Variants in HLA-DPB1 observed in about 807,000 individuals in gnomAD.
HLA-DPB1 encodes HLA class II histocompatibility antigen, DP beta 1 chain.
Under a neutral mutation model 29.4 loss-of-function variants are expected in HLA-DPB1, and 30 were observed. The observed-to-expected ratio is 1.02, with a 90% CI of 0.76 to 1.38. The LOEUF is 1.38. HLA-DPB1 is among the 40% of genes most tolerant of loss of function. The probability of loss-of-function intolerance (pLI) is 0.00; values close to 1 mark genes in which losing one functional copy is unlikely to be tolerated. For missense variants in HLA-DPB1, 261 were observed against 327.5 expected, an observed-to-expected ratio of 0.80 and a Z score of 1.57; for synonymous variants, 114 against 134.0, an observed-to-expected ratio of 0.85 and a Z score of 1.03.
intron 2 of HLA-DPB1, 52 bp from the exon 3 acceptor site, chr6:33,084,898 A>G: frequency 1.2e-6 from 1 of 842,850 alleles, no homozygotes; most frequent in Middle Eastern, 2.6e-4. Context: ...GGAAGGAAGG[A>G]AAGAAGGACA....
At chr6:33,078,601 C>A (rs1762675842) in intron 1 of HLA-DPB1, among the ~76,000 whole-genome samples, 1 of 150,708 alleles carries the variant, frequency 6.6e-6, no homozygotes, top group Non-Finnish European at 1.5e-5. Context: ...AAGGGTTCCA[C>A]AAACAGGATA....
intron 2 of HLA-DPB1, among the ~76,000 whole-genome samples, chr6:33,083,271 G>C (rs1291633586): frequency 6.6e-6 from 1 of 152,154 alleles, no homozygotes; most frequent in Non-Finnish European, 1.5e-5. Context: ...CCAGCGCCAT[G>C]TTAGGGTATT....
intron 2 of HLA-DPB1, among the ~76,000 whole-genome samples, chr6:33,082,877 G>A (rs3128960): frequency 0.38 from 57,016 of 151,942 alleles, 12,159 homozygotes; most frequent in East Asian, 0.63. Context: ...TTGGGTATCA[G>A]GCCTTAACTC....
Position 33,080,621 on chromosome 6 carries a change from G to A in HLA-DPB1, c.101-51G>A. 1 of 1,609,026 alleles carries A rather than the reference G, an allele frequency of 6.2e-7. No homozygotes were observed. Among genetic ancestry groups the A allele is most frequent in the Non-Finnish European group, 8.5e-7 (1 of 1,176,462 alleles). ...TAATATTGAGAGAGAGAGGGAGAAAGAGGATTAGATGAGAGTGGCGCCTCC... is the reference window on the plus strand; with the variant it reads ...TAATATTGAGAGAGAGAGGGAGAAAAAGGATTAGATGAGAGTGGCGCCTCC... On this transcript the variant is annotated intron_variant, in intron 1 of 5. Transcript: ENST00000418931. This position sits in a 1 kb window ranked among gnomAD's most constrained non-coding sequence, Gnocchi z 4.3.
At chr6:33,079,814 G>A in intron 1 of HLA-DPB1, 1 of 455,970 alleles carries the variant, frequency 2.2e-6, no homozygotes, top group Non-Finnish European at 4.3e-6. Flanking sequence ...CCGGCCATCA[G>A]AGTCACCAAC....
In HLA-DPB1 at chr6:33,089,238, TG is replaced by T. The variant is rs1419859291; in HGVS notation, c.*2705del. ...CATTGTAAACTGTCCCTGAAATTAC[TG>T]TGCACTTGGCTTATGGGATGAAACA... is the stretch of plus-strand genomic sequence containing the variant. On this transcript the variant is annotated 3_prime_UTR_variant, in exon 6 of 6. Coordinates refer to ENST00000418931, the MANE Select transcript of HLA-DPB1 (RefSeq NM_002121.6). Among the ~76,000 whole-genome samples the T allele has an allele frequency of 2.0e-5, 3 of 152,114 alleles. No individual in the cohort carries two copies. The highest frequency in any genetic ancestry group is 7.3e-5 in the African/African-American group (3 of 41,352).
chr6:33,084,094 C>T (rs1475867633), intron 2 of HLA-DPB1: 1 of 143,218 alleles, frequency 7.0e-6, no homozygotes. Flanking sequence ...ATGTAAAGCT[C>T]TCTTCATTTT....
chr6:33,086,831 G>T lies in HLA-DPB1; in HGVS notation c.*297G>T. On this transcript the variant is annotated 3_prime_UTR_variant, in exon 6 of 6. Transcript: ENST00000418931. Reference sequence around the variant, plus strand: ...ATCATCTCTCATCACTTTTCTCTGAGGGTTTTAGTAGACAGTAGGAGTTAA... The same window carrying T: ...ATCATCTCTCATCACTTTTCTCTGATGGTTTTAGTAGACAGTAGGAGTTAA... The T allele has an allele frequency of 3.1e-6, 1 of 327,358 alleles. No individual in the cohort carries two copies. Among genetic ancestry groups the T allele is most frequent in the African/African-American group, 2.3e-5 (1 of 44,230 alleles). The allele number at this position is 327,358 out of a possible 1,614,324, so 20.3% of individuals were successfully genotyped here.
In HLA-DPB1 at chr6:33,086,587, G is replaced by A. The variant is rs1393039447; in HGVS notation, c.*53G>A. 1.8e-6 allele frequency: 1 copy of A among 570,814 alleles called. No homozygotes were observed. The highest frequency in any genetic ancestry group is 3.3e-6 in the Non-Finnish European group (1 of 298,650). The allele number at this position is 570,814 out of a possible 1,614,324, so 35.4% of individuals were successfully genotyped here. A position where few individuals can be genotyped will look rare whatever the true frequency, so the allele number is the denominator to read the frequency against. ...CTATTGTGCCTTAGGAAAAGCATTT[G>A]CTGTGTTTCGTTAGCATCTGGCTCC... is the stretch of plus-strand genomic sequence containing the variant. On this transcript the variant is annotated 3_prime_UTR_variant, in exon 6 of 6. Coordinates refer to ENST00000418931, the MANE Select transcript of HLA-DPB1 (RefSeq NM_002121.6).
intron 2 of HLA-DPB1, among the ~76,000 whole-genome samples, chr6:33,082,748 T>C (rs9277388): frequency 0.38 from 56,951 of 151,770 alleles, 12,124 homozygotes; most frequent in East Asian, 0.63. Context: ...AGGGTGGATG[T>C]CCACCCAAAT....
At chr6:33,078,703 T>C (rs776223999) in intron 1 of HLA-DPB1, among the ~76,000 whole-genome samples, 10 of 152,260 alleles carry the variant, frequency 6.6e-5, no homozygotes, top group Non-Finnish European at 7.3e-5. Context: ...AAATTCCATT[T>C]CAAAAGTTAA....
intron 1 of HLA-DPB1, chr6:33,079,476 A>G (rs1365497401): frequency 6.7e-6 from 2 of 298,138 alleles, no homozygotes; most frequent in South Asian, 3.5e-5. Context: ...CTCCTCATGA[A>G]GGATAAGATC....
At position 33,085,108 on chromosome 6, in the gene HLA-DPB1, A is replaced by T. The variant is rs1763038533; in HGVS notation, c.523A>T (p.Ile175Phe). 1 of 1,613,888 alleles carries T rather than the reference A, an allele frequency of 6.2e-7. No homozygotes were observed. Among genetic ancestry groups the T allele is most frequent in the Admixed American group, 1.7e-5 (1 of 60,008 alleles). Residue 175 changes from isoleucine to phenylalanine, a missense_variant, in exon 3 of 6, where the codon ATC (isoleucine) becomes TTC (phenylalanine). Coordinates refer to ENST00000418931, the MANE Select transcript of HLA-DPB1 (RefSeq NM_002121.6). ...ETAGVVSTNL[I>F]RNGDWTFQIL... Reference sequence around the variant, plus strand: ...AGCTGGGGTCGTGTCCACCAACCTGATCCGTAATGGAGACTGGACCTTCCA... The same window carrying T: ...AGCTGGGGTCGTGTCCACCAACCTGTTCCGTAATGGAGACTGGACCTTCCA...
At chr6:33,084,231 T>C (rs9277430) in intron 2 of HLA-DPB1, among the ~76,000 whole-genome samples, 57,700 of 151,922 alleles carry the variant, frequency 0.38, 12,358 homozygotes, top group East Asian at 0.64. Context: ...TTTGAAAAGG[T>C]AGGTAATTTC....
rs12722022 is a variant in HLA-DPB1, at chr6:33,080,787, G to A, written c.216G>A (p.Gly72=). The A allele has an allele frequency of 0.03, 47,978 of 1,613,514 alleles. 856 individuals are homozygous for A. Among genetic ancestry groups the A allele is most frequent in the African/African-American group, 0.07 (5,254 of 75,012 alleles). Residue 72 remains glycine (G), a synonymous_variant, in exon 2 of 6, where the codon GGG becomes GGA. Transcript: ENST00000418931. This position sits in a 1 kb window ranked among gnomAD's most constrained non-coding sequence, Gnocchi z 4.3. ...EEFARFDSDV[G]EFRAVTELGR... ...TCGCGCGCTTCGACAGCGACGTGGG[G>A]GAGTTCCGGGCGGTGACGGAGCTGG...
Position 33,076,924 on chromosome 6 carries a change from T to TTA in HLA-DPB1, c.100+796_100+797dup, listed in dbSNP as rs757719818. On this transcript the variant is annotated intron_variant, in intron 1 of 5. Transcript: ENST00000418931. ...CAGGATACTCTCAGGATATTTCTTTTTATATATATATATACTTTAAGTTCT... is the reference window on the plus strand; with the variant it reads ...CAGGATACTCTCAGGATATTTCTTTTTATATATATATATATACTTTAAGTTCT... Among the ~76,000 whole-genome samples the TTA allele has an allele frequency of 3.6e-4, 55 of 151,738 alleles. 1 individual carries two copies. In the East Asian group the frequency reaches 5.6e-3, roughly 15 times the overall value.
chr6:33,083,052 G>A (rs9277392), intron 2 of HLA-DPB1, among the ~76,000 whole-genome samples: 1 of 152,024 alleles, frequency 6.6e-6, no homozygotes, highest in Non-Finnish European at 1.5e-5. Context: ...AGAAATTGTA[G>A]GTAATTCACA....
Position 33,089,415 on chromosome 6 carries a change from A to ACGTGTATGCAC in HLA-DPB1, c.*2881_*2882insCGTGTATGCAC, listed in dbSNP as rs1425217532. ...TGGCTCATGTTACACGTCCAAAGTAAGTCATGCAGGAAGCTCTGCTCATCA... is the reference window on the plus strand; with the variant it reads ...TGGCTCATGTTACACGTCCAAAGTAACGTGTATGCACGTCATGCAGGAAGCTCTGCTCATCA... On this transcript the variant is annotated 3_prime_UTR_variant, in exon 6 of 6. Transcript: ENST00000418931. 6.6e-6 allele frequency among the ~76,000 whole-genome samples: 1 copy of ACGTGTATGCAC among 152,192 alleles called. No homozygotes were observed. Among genetic ancestry groups the ACGTGTATGCAC allele is most frequent in the African/African-American group, 2.4e-5 (1 of 41,428 alleles).
intron 1 of HLA-DPB1, among the ~76,000 whole-genome samples, chr6:33,077,283 T>G (rs1290722045): frequency 2.6e-5 from 4 of 152,054 alleles, no homozygotes; most frequent in Admixed American, 2.0e-4. Flanking sequence ...TATTCCATGG[T>G]GTATATGTGT....
Sources: allele counts gnomAD v4.1 joint callset (sites outside exome capture counted in the v4.1 genomes callset), GRCh38; gene constraint gnomAD v4.1.1; non-coding constraint Gnocchi (gnomAD v3.1); transcripts MANE v1.5; gene names NCBI Gene and HGNC (gene_info 2026-07-23, HGNC 2026-07-21).